Variants in ITPRID1 observed in about 807,000 individuals in gnomAD.
ITPRID1 encodes the protein protein ITPRID1.
Under a neutral mutation model 95.4 loss-of-function variants are expected in ITPRID1, and 96 were observed. The observed-to-expected ratio is 1.01, with a 90% CI of 0.85 to 1.19. ITPRID1 has a LOEUF of 1.19. Ranked by LOEUF, ITPRID1 falls within the 50% of genes most tolerant of loss-of-function variation. The pLI is 0.00. For missense variants in ITPRID1, 1,339 were observed against 1,252.9 expected (o/e 1.07, Z -1.04); for synonymous variants, 510 against 453.6 (o/e 1.12, Z -1.58).
intron 1 of ITPRID1, among the ~76,000 whole-genome samples, chr7:31,515,577 AAAAAC>A (rs985471587): frequency 1.1e-3 from 165 of 152,292 alleles, no homozygotes; most frequent in Middle Eastern, 6.8e-3. Flanking sequence ...CTCCGTCTCA[AAAAAC>A]AAAACAAAAC....
At chr7:31,565,358 C>T (rs1784761466) in intron 5 of ITPRID1, among the ~76,000 whole-genome samples, 1 of 152,160 alleles carries the variant, frequency 6.6e-6, no homozygotes, top group African/African-American at 2.4e-5. Flanking sequence ...TCTCCAAAAT[C>T]TAAGCTCAGC....
intron 1 of ITPRID1, among the ~76,000 whole-genome samples, chr7:31,530,162 G>C (rs1783550105): frequency 6.6e-6 from 1 of 152,084 alleles, no homozygotes; most frequent in Non-Finnish European, 1.5e-5. Context: ...TCTATGTTCT[G>C]AATACTAGTT....
Position 31,564,738 on chromosome 7 carries a change from T to C in ITPRID1, c.257-5020T>C, listed in dbSNP as rs540580872. Among the ~76,000 whole-genome samples the C allele has an allele frequency of 4.6e-5, 7 of 152,300 alleles. No homozygotes were observed. In the East Asian group the frequency reaches 1.4e-3, roughly 30 times the overall value. The stretch of plus-strand genomic sequence containing the variant: ...TGAGGTAGCAGACTCAGATGCTTCC[T>C]GGAGCCAGACAGGTAATTGCTAATG... On this transcript the variant is annotated intron_variant, in intron 5 of 14. Coordinates refer to ENST00000615280, the MANE Select transcript of ITPRID1 (RefSeq NM_001257967.3).
At chr7:31,625,504 CAAT>C (rs1398313434) in intron 10 of ITPRID1, among the ~76,000 whole-genome samples, 36 of 152,188 alleles carry the variant, frequency 2.4e-4, no homozygotes, top group African/African-American at 7.7e-4. Context: ...TCATCATTCT[CAAT>C]AAACTATTGC....
chr7:31,595,356 A>T (rs1181159983), intron 10 of ITPRID1, among the ~76,000 whole-genome samples: 1 of 151,372 alleles, frequency 6.6e-6, no homozygotes, highest in East Asian at 1.9e-4. Context: ...ACACACACAC[A>T]CACACACACA....
chr7:31,619,198 T>C (rs968621067), intron 10 of ITPRID1, among the ~76,000 whole-genome samples: 13 of 152,346 alleles, frequency 8.5e-5, no homozygotes, highest in African/African-American at 2.9e-4. Flanking sequence ...GTGTCCTTTC[T>C]ATGTCTATTT....
Position 31,516,679 on chromosome 7 carries a change from A to G in ITPRID1, c.-98+2559A>G, listed in dbSNP as rs1430533709. Among the ~76,000 whole-genome samples, 4 of 152,246 alleles carry G rather than the reference A, an allele frequency of 2.6e-5. No individual in the cohort carries two copies. The East Asian group carries it at 5.8e-4, about 22-fold the overall frequency. Reference sequence around the variant, plus strand: ...AATAGTACATGCTTAGATAAACTCAATTAGAGCCTATGTGTCCATTTGCAC... The same window carrying G: ...AATAGTACATGCTTAGATAAACTCAGTTAGAGCCTATGTGTCCATTTGCAC... On this transcript the variant is annotated intron_variant, in intron 1 of 14. Coordinates refer to ENST00000615280, the MANE Select transcript of ITPRID1 (RefSeq NM_001257967.3).
At chr7:31,531,456 A>G (rs562761987) in intron 1 of ITPRID1, among the ~76,000 whole-genome samples, 9 of 152,276 alleles carry the variant, frequency 5.9e-5, no homozygotes, top group African/African-American at 2.2e-4. Context: ...TTTCTTTCTA[A>G]TTTGGTTTTG....
At chr7:31,521,654 CCTTCCTTCCTTCCTTCCT>C (rs1562544799) in intron 1 of ITPRID1, among the ~76,000 whole-genome samples, 1 of 133,124 alleles carries the variant, frequency 7.5e-6, no homozygotes, top group African/African-American at 2.9e-5. Flanking sequence ...TTCCTTCCTT[CCTTCCTTCCTTCCTTCCT>C]TCCTTCCTTC....
chr7:31,630,147 T>C (rs1243731055), intron 10 of ITPRID1, among the ~76,000 whole-genome samples: 1 of 150,928 alleles, frequency 6.6e-6, no homozygotes, highest in African/African-American at 2.4e-5. Flanking sequence ...GAATTTTTGA[T>C]GTTACTACTA....
intron 12 of ITPRID1, among the ~76,000 whole-genome samples, chr7:31,649,886 G>A (rs1328140067): frequency 6.6e-6 from 1 of 152,180 alleles, no homozygotes; most frequent in East Asian, 1.9e-4. Context: ...ACTGACAGCA[G>A]GGGAAAGAGC....
intron 10 of ITPRID1, among the ~76,000 whole-genome samples, chr7:31,583,602 C>T (rs12701122): frequency 0.18 from 26,812 of 152,018 alleles, 3,029 homozygotes; most frequent in Non-Finnish European, 0.23. Context: ...CACTCCAGCC[C>T]GGGCAACAAG....
chr7:31,534,534 TG>T (rs1783699351), intron 1 of ITPRID1, among the ~76,000 whole-genome samples: 1 of 152,334 alleles, frequency 6.6e-6, no homozygotes, highest in East Asian at 1.9e-4. Context: ...TAATAGTTTT[TG>T]TCTTGAAACC....
Position 31,655,911 on chromosome 7 carries a change from G to A in ITPRID1, c.*3082G>A. 1.0e-6 allele frequency: 1 copy of A among 985,442 alleles called. No homozygotes were observed. 61.0% of individuals were successfully genotyped at this position (985,442 alleles called of 1,614,324 possible). ...GCTCTAGGATGTCCCTCACCTGGCA[G>A]CCATCTGCTTTACCAGTCTCATTTC... On this transcript the variant is annotated 3_prime_UTR_variant, in exon 15 of 15. Coordinates refer to ENST00000615280, the MANE Select transcript of ITPRID1 (RefSeq NM_001257967.3).
chr7:31,642,987 T>A lies in ITPRID1; in HGVS notation c.1617T>A (p.His539Gln), dbSNP rs38396. Residue 539 changes from histidine (H) to glutamine (Q), a missense_variant, in exon 12 of 15, where the codon CAT (histidine) becomes CAA (glutamine). Transcript: ENST00000615280. The stretch of plus-strand genomic sequence containing the variant: ...GAGAATGCCCAAGGAAAGACAGCCA[T>A]CTGTGGCAGCTTCTGCCAATGCCCC... ...TRGECPRKDSHLWQLLPMPHA... is the reference protein window; with the variant it reads ...TRGECPRKDSQLWQLLPMPHA... 7 of 1,613,744 alleles carry A rather than the reference T, an allele frequency of 4.3e-6. No homozygotes were observed. The African/African-American group carries it at 9.3e-5, about 22-fold the overall frequency.
At chr7:31,549,087 G>T (rs748562130) in intron 1 of ITPRID1, among the ~76,000 whole-genome samples, 17 of 152,094 alleles carry the variant, frequency 1.1e-4, no homozygotes, top group Non-Finnish European at 2.5e-4. Flanking sequence ...AATGCCTCGG[G>T]CTGTTCTCCC....
intron 10 of ITPRID1, among the ~76,000 whole-genome samples, chr7:31,638,186 G>A (rs1583689515): frequency 6.6e-6 from 1 of 152,252 alleles, no homozygotes; most frequent in East Asian, 1.9e-4. Context: ...GATATAAGGA[G>A]GAAAACGGGT....
intron 10 of ITPRID1, among the ~76,000 whole-genome samples, chr7:31,620,299 T>A (rs995887244): frequency 1.3e-5 from 2 of 152,084 alleles, no homozygotes; most frequent in African/African-American, 4.8e-5. Context: ...ACGGGCAGAC[T>A]GCCTCCTCAA....
intron 1 of ITPRID1, among the ~76,000 whole-genome samples, chr7:31,523,543 A>G (rs565534821): frequency 2.6e-5 from 4 of 152,240 alleles, no homozygotes; most frequent in South Asian, 4.2e-4. Context: ...GGGATTCCCA[A>G]TGTTGGAGGT....
Sources: allele counts gnomAD v4.1 joint callset (sites outside exome capture counted in the v4.1 genomes callset), GRCh38; gene constraint gnomAD v4.1.1; transcripts MANE v1.5; gene names NCBI Gene and HGNC (gene_info 2026-07-23, HGNC 2026-07-21).